Variants in RGS20 observed in about 807,000 individuals in gnomAD.
RGS20 encodes the protein gz-selective GTPase-activating protein.
In RGS20, 30 loss-of-function variants were observed where a neutral mutation model predicts 33.6. That is an observed-to-expected ratio of 0.89 (90% confidence interval 0.67 to 1.21). The LOEUF (loss-of-function observed/expected upper bound fraction) is 1.21. Ranked by LOEUF, RGS20 falls within the 50% of genes most tolerant of loss-of-function variation. The pLI is 0.00. For missense variants in RGS20, 472 were observed against 502.4 expected (o/e 0.94, Z 0.58); for synonymous variants, 208 against 197.9 (o/e 1.05, Z -0.43).
intron 2 of RGS20, among the ~76,000 whole-genome samples, chr8:53,899,993 T>G (rs529090847): frequency 6.6e-6 from 1 of 152,262 alleles, no homozygotes; most frequent in Admixed American, 6.5e-5. Flanking sequence ...GTTTTTCTGT[T>G]CTCAGCTTTG....
At chr8:53,923,222 G>A (rs574995275) in intron 2 of RGS20, among the ~76,000 whole-genome samples, 6 of 152,176 alleles carry the variant, frequency 3.9e-5, no homozygotes, top group Non-Finnish European at 8.8e-5. Context: ...GTGAGCCACC[G>A]AACCTGGCCA....
intron 2 of RGS20, among the ~76,000 whole-genome samples, chr8:53,924,026 C>CT (rs563507412): frequency 6.0e-4 from 88 of 146,316 alleles, no homozygotes; most frequent in South Asian, 4.1e-3. Flanking sequence ...TTTGCAAATA[C>CT]TTTTTTTTTT....
chr8:53,887,576 G>C (rs1489739866), intron 2 of RGS20, among the ~76,000 whole-genome samples: 2 of 152,210 alleles, frequency 1.3e-5, no homozygotes, highest in Non-Finnish European at 1.5e-5. Flanking sequence ...TGGCCAGAGA[G>C]CAGCCCAAGA....
intron 2 of RGS20, chr8:53,880,373 A>T (rs1313556227): frequency 6.6e-6 from 1 of 152,630 alleles, no homozygotes; most frequent in Non-Finnish European, 1.5e-5. Context: ...GCCGCTTTCC[A>T]GGGCGGGAAG....
intron 1 of RGS20, among the ~76,000 whole-genome samples, chr8:53,865,363 C>T (rs748432996): frequency 3.9e-5 from 6 of 152,306 alleles, no homozygotes; most frequent in Non-Finnish European, 8.8e-5. Flanking sequence ...CACAGTTTCT[C>T]GCCTCTGTAA....
intron 2 of RGS20, among the ~76,000 whole-genome samples, chr8:53,928,844 A>G (rs933939574): frequency 6.6e-6 from 1 of 152,094 alleles, no homozygotes; most frequent in African/African-American, 2.4e-5. Flanking sequence ...AAAGATTTTC[A>G]TGTTCGAAAG....
At chr8:53,860,931 C>T (rs886134287) in intron 1 of RGS20, among the ~76,000 whole-genome samples, 1 of 151,852 alleles carries the variant, frequency 6.6e-6, no homozygotes, top group African/African-American at 2.4e-5. Flanking sequence ...CACACCACTG[C>T]ACTCTAGCCT....
chr8:53,949,492 G>A (rs920838407), intron 4 of RGS20, among the ~76,000 whole-genome samples: 2 of 151,794 alleles, frequency 1.3e-5, no homozygotes, highest in East Asian at 1.9e-4. Flanking sequence ...CAAAGCATGC[G>A]GATCACCTGA....
At chr8:53,858,608 T>G (rs748736020) in intron 1 of RGS20, among the ~76,000 whole-genome samples, 15 of 151,670 alleles carry the variant, frequency 9.9e-5, no homozygotes, top group Non-Finnish European at 2.2e-4. Context: ...AAAAAGTCAA[T>G]GTAATATTGC....
chr8:53,943,236 T>G (rs914531491), intron 3 of RGS20, among the ~76,000 whole-genome samples: 1 of 151,792 alleles, frequency 6.6e-6, no homozygotes, highest in Non-Finnish European at 1.5e-5. Context: ...AATTTCCTTG[T>G]TTTTTTTCAC....
chr8:53,917,169 T>C (rs1301594685), intron 2 of RGS20, among the ~76,000 whole-genome samples: 2 of 152,124 alleles, frequency 1.3e-5, no homozygotes, highest in Non-Finnish European at 1.5e-5. Flanking sequence ...GTTTTTGAGA[T>C]GGAATTTCAC....
At chr8:53,909,211 A>G (rs112965794) in intron 2 of RGS20, among the ~76,000 whole-genome samples, 713 of 9,810 alleles carry the variant, frequency 0.073, 11 homozygotes, top group African/African-American at 0.17. Context: ...GTATGTGTGT[A>G]TATATATATA....
intron 2 of RGS20, among the ~76,000 whole-genome samples, chr8:53,921,001 C>G (rs1813629397): frequency 6.6e-6 from 1 of 152,182 alleles, no homozygotes; most frequent in Admixed American, 6.5e-5. Flanking sequence ...CTCAGGTGAT[C>G]CACCCACCTC....
At chr8:53,926,045 G>GA (rs1039210148) in intron 2 of RGS20, among the ~76,000 whole-genome samples, 3 of 151,888 alleles carry the variant, frequency 2.0e-5, no homozygotes, top group African/African-American at 4.8e-5. Context: ...CCACCTCTAT[G>GA]AAAAAAAATT....
intron 2 of RGS20, among the ~76,000 whole-genome samples, chr8:53,931,040 C>T (rs567007754): frequency 1.4e-4 from 22 of 152,218 alleles, no homozygotes; most frequent in African/African-American, 3.4e-4. Context: ...TTTCTGCCTT[C>T]GAAGCTGTCT....
intron 4 of RGS20, among the ~76,000 whole-genome samples, chr8:53,951,794 A>C (rs887653921): frequency 2.6e-5 from 4 of 152,024 alleles, no homozygotes; most frequent in African/African-American, 7.2e-5. Context: ...AGGCAGGCGG[A>C]TCACCTGAGG....
At chr8:53,918,721 T>G (rs1813566083) in intron 2 of RGS20, among the ~76,000 whole-genome samples, 1 of 152,220 alleles carries the variant, frequency 6.6e-6, no homozygotes, top group African/African-American at 2.4e-5. Context: ...TCATCCATGT[T>G]GTAGCAGGAT....
intron 2 of RGS20, among the ~76,000 whole-genome samples, chr8:53,896,282 C>T (rs1196886566): frequency 1.3e-5 from 2 of 151,870 alleles, no homozygotes; most frequent in Admixed American, 1.3e-4. Context: ...GCTGTCCCCC[C>T]CAAAAAAAGA....
At chr8:53,904,215 C>T (rs1813105451) in intron 2 of RGS20, among the ~76,000 whole-genome samples, 1 of 151,756 alleles carries the variant, frequency 6.6e-6, no homozygotes, top group Non-Finnish European at 1.5e-5. Flanking sequence ...CTCCGCATCC[C>T]AGGTTCAAGT....
Sources: gnomAD v4.1 joint callset for allele counts (sites outside exome capture counted in the v4.1 genomes callset) on GRCh38, gnomAD v4.1.1 for gene constraint, MANE v1.5 for transcripts, NCBI Gene and HGNC (gene_info 2026-07-23, HGNC 2026-07-21) for gene names.